Variants in TNN observed in about 807,000 individuals in gnomAD.
TNN encodes tenascin N.
TNN carries 122 observed loss-of-function variants against 134.4 expected under a neutral mutation model. The ratio of observed to expected loss-of-function variants is 0.91; its 90% CI spans 0.78 to 1.06. The LOEUF is 1.06. Among genes scored for constraint, TNN ranks in the 50% least tolerant of loss-of-function variants. TNN has a pLI of 0.00. For synonymous variants in TNN, 710 were observed against 670.3 expected, an observed-to-expected ratio of 1.06 and a Z score of -0.91; for missense variants, 1,739 against 1,699.4, an observed-to-expected ratio of 1.02 and a Z score of -0.41.
chr1:175,088,561 C>T (rs543971707), intron 6 of TNN, among the ~76,000 whole-genome samples: 1 of 152,310 alleles, frequency 6.6e-6, no homozygotes, highest in Admixed American at 6.5e-5. Flanking sequence ...CCGTGGCCCA[C>T]CCAGCCTGGG....
At chr1:175,090,379 C>G (rs547131741) in intron 6 of TNN, among the ~76,000 whole-genome samples, 1 of 152,248 alleles carries the variant, frequency 6.6e-6, no homozygotes, top group East Asian at 1.9e-4. Flanking sequence ...GAGTACAGAA[C>G]GTGTAGGTAT....
rs1674841909 is a variant in TNN, at chr1:175,105,987, G to A, written c.2119+7392G>A. ...GACTTGAATAGTTGCGCTCACCGAC[G>A]CAGCAGCAGAAACACTAGTTTTCCT... On this transcript the variant is annotated intron_variant, in intron 9 of 18. Transcript: ENST00000239462. Among the ~76,000 whole-genome samples, 3 of 145,760 alleles carry A rather than the reference G, an allele frequency of 2.1e-5. 1 individual carries two copies. The highest frequency in any genetic ancestry group is 4.6e-5 in the Non-Finnish European group (3 of 65,660).
chr1:175,137,129 C>G, intron 17 of TNN, 141 bp downstream of exon 17: 1 of 890,226 alleles, frequency 1.1e-6, no homozygotes, highest in Admixed American at 2.6e-5. Flanking sequence ...AGGTCCTACT[C>G]TCTGCAGGGG....
At chr1:175,085,316 C>T in intron 5 of TNN, 89 bp from the exon 6 acceptor site, 3 of 830,154 alleles carry the variant, frequency 3.6e-6, no homozygotes, top group South Asian at 1.5e-5. Context: ...TCTCATCTTC[C>T]CTCACGGGAG....
chr1:175,128,258 G>A (rs2101844741), intron 14 of TNN, 94 bp downstream of exon 14: 1 of 1,206,386 alleles, frequency 8.3e-7, no homozygotes, highest in South Asian at 1.5e-5. Context: ...AGTGGATGCA[G>A]AACTATTGAT....
chr1:175,112,784 A>AT lies in TNN; in HGVS notation c.2120-4146dup, dbSNP rs369596366. ...AGGCATGTGCCACCATGTCTGGCTAATTTTTTTTTGTATTTTTAGTAGAGA... is the reference window on the plus strand; with the variant it reads ...AGGCATGTGCCACCATGTCTGGCTAATTTTTTTTTTGTATTTTTAGTAGAGA... On this transcript the variant is annotated intron_variant, in intron 9 of 18. Transcript: ENST00000239462. Among the ~76,000 whole-genome samples the AT allele has an allele frequency of 9.4e-5, 14 of 148,856 alleles. 1 individual carries two copies. Among genetic ancestry groups the AT allele is most frequent in the Admixed American group, 4.7e-4 (7 of 14,936 alleles).
Position 175,116,988 on chromosome 1 carries a change from G to A in TNN, c.2169G>A (p.Met723Ile), listed in dbSNP as rs1179587443. The A allele has an allele frequency of 1.2e-6, 2 of 1,614,198 alleles. No individual in the cohort carries two copies. The highest frequency in any genetic ancestry group is 1.1e-5 in the South Asian group (1 of 91,082). ...NLVTDRVTENMATVSWDPVRA... is the reference protein window; with the variant it reads ...NLVTDRVTENIATVSWDPVRA... ...TGACCGACCGGGTGACAGAGAATAT[G>A]GCCACTGTCTCCTGGGACCCGGTGC... is the stretch of plus-strand genomic sequence containing the variant. Residue 723 changes from methionine (M) to isoleucine (I), a missense_variant, in exon 10 of 19, where the codon ATG becomes ATA. Transcript: ENST00000239462.
At chr1:175,144,325 C>G in intron 17 of TNN, 62 bp from the exon 18 acceptor site, 1 of 1,534,122 alleles carries the variant, frequency 6.5e-7, no homozygotes, top group Non-Finnish European at 8.9e-7. Context: ...GCTGGGTCCT[C>G]TTTTGATCAT....
At chr1:175,086,203 A>G (rs1674322349) in intron 6 of TNN, among the ~76,000 whole-genome samples, 2 of 152,232 alleles carry the variant, frequency 1.3e-5, no homozygotes, top group Admixed American at 6.5e-5. Context: ...TGATGCCCAC[A>G]TTCAGTAGAC....
intron 1 of TNN, among the ~76,000 whole-genome samples, chr1:175,068,696 C>T (rs553704741): frequency 3.9e-5 from 6 of 152,162 alleles, no homozygotes; most frequent in East Asian, 1.9e-4. Flanking sequence ...CACCTGAGGT[C>T]GAGAGTTCGA....
rs998011442 is a variant in TNN at position 175,080,361 on chromosome 1, T to C, written c.983T>C (p.Ile328Thr). The C allele has an allele frequency of 3.7e-6, 6 of 1,614,084 alleles. No individual in the cohort carries two copies. In the African/African-American group the frequency reaches 4.0e-5, roughly 11 times the overall value. ...ILGLLPGTKY[I>T]VTLRNVKNEV... ...GGTTTGCTGCCTGGAACCAAGTACA[T>C]AGTCACCCTGCGTAACGTCAAGAAT... Residue 328 changes from isoleucine to threonine, a missense_variant, in exon 4 of 19, where the codon ATA (isoleucine) becomes ACA (threonine). Ile to Thr is a moderately conservative substitution (Grantham distance 89). Transcript: ENST00000239462.
rs369876797 is a variant in TNN at position 175,136,861 on chromosome 1, G to C, written c.3468G>C (p.Ala1156=). The C allele has an allele frequency of 2.5e-6, 4 of 1,614,122 alleles. No homozygotes were observed. The Admixed American group carries it at 6.7e-5, about 27-fold the overall frequency. Residue 1156 remains alanine, a synonymous_variant, in exon 17 of 19, where the codon GCG becomes GCC. Coordinates refer to ENST00000239462, the MANE Select transcript of TNN (RefSeq NM_022093.2). ...ACAACCTCACCACCGGCACTCCAGCGCGGTATGAGGTGAGAGTGGATTTAC... is the reference window on the plus strand; with the variant it reads ...ACAACCTCACCACCGGCACTCCAGCCCGGTATGAGGTGAGAGTGGATTTAC... ...KLHNLTTGTP[A]RYEVRVDLQT... is the part of the protein sequence containing the mutation.
chr1:175,093,955 T>C, intron 6 of TNN, 35 bp from the exon 7 acceptor site: 1 of 1,571,592 alleles, frequency 6.4e-7, no homozygotes, highest in African/African-American at 1.3e-5. Context: ...CCAACTGGTT[T>C]CTCTGATTTT....
chr1:175,137,798 C>A (rs1675851156), intron 17 of TNN, among the ~76,000 whole-genome samples: 1 of 152,204 alleles, frequency 6.6e-6, no homozygotes, highest in Non-Finnish European at 1.5e-5. Context: ...TGTATTTACA[C>A]AGGAATGTGT....
At chr1:175,068,914 C>A (rs541089409) in intron 1 of TNN, among the ~76,000 whole-genome samples, 2 of 152,206 alleles carry the variant, frequency 1.3e-5, no homozygotes, top group East Asian at 3.9e-4. Flanking sequence ...ATCTAAAAAA[C>A]AAAAACAAAA....
intron 1 of TNN, among the ~76,000 whole-genome samples, chr1:175,074,494 A>G (rs111973638): frequency 3.3e-5 from 1 of 29,934 alleles, no homozygotes; most frequent in Non-Finnish European, 6.1e-5. Flanking sequence ...GAAAAAAAAA[A>G]AAAAAAAAAA....
chr1:175,083,719 C>T (rs374940683), intron 4 of TNN, 31 bp from the exon 5 acceptor site: 5 of 1,605,224 alleles, frequency 3.1e-6, no homozygotes, highest in Non-Finnish European at 4.3e-6. Context: ...CTCTTCACCA[C>T]TTTCTCTTGC....
intron 17 of TNN, among the ~76,000 whole-genome samples, chr1:175,140,475 T>A (rs1675919720): frequency 6.6e-6 from 1 of 152,232 alleles, no homozygotes; most frequent in Admixed American, 6.5e-5. Flanking sequence ...GCACATTTCC[T>A]TTCCCTTGGC....
Position 175,074,433 on chromosome 1 carries a change from C to T in TNN, c.-35-2951C>T, listed in dbSNP as rs1007564707. On this transcript the variant is annotated intron_variant, in intron 1 of 18. Coordinates refer to ENST00000239462, the MANE Select transcript of TNN (RefSeq NM_022093.2). ...CCAGGAGGTGGACATTGCAGTGAGC[C>T]GTGATTGTGCCAATGCACTCCAGCC... Among the ~76,000 whole-genome samples, 40 of 144,366 alleles carry T rather than the reference C, an allele frequency of 2.8e-4. 1 individual carries two copies. Among genetic ancestry groups the T allele is most frequent in the South Asian group, 1.6e-3 (7 of 4,510 alleles). The allele number at this position is 144,366 out of a possible 152,430, so 94.7% of individuals were successfully genotyped here.
Sources: gnomAD v4.1 joint callset for allele counts (sites outside exome capture counted in the v4.1 genomes callset) on GRCh38, gnomAD v4.1.1 for gene constraint, MANE v1.5 for transcripts, NCBI Gene and HGNC (gene_info 2026-07-23, HGNC 2026-07-21) for gene names.